Variants in GRIK2 observed in about 807,000 individuals in gnomAD.
The protein encoded by GRIK2 is glutamate ionotropic receptor kainate type subunit 2.
In GRIK2, 32 loss-of-function variants were observed where a neutral mutation model predicts 100.3. The ratio of observed to expected loss-of-function variants is 0.32; its 90% CI spans 0.24 to 0.43. The LOEUF is 0.43. Ranked by LOEUF, GRIK2 falls within the 20% of genes least tolerant of loss-of-function variation. The pLI is 1.00. For synonymous variants in GRIK2, 417 were observed against 389.4 expected, an observed-to-expected ratio of 1.07 and a Z score of -0.83; for missense variants, 843 against 1,114.9, an observed-to-expected ratio of 0.76 and a Z score of 3.47.
intron 9 of GRIK2, among the ~76,000 whole-genome samples, chr6:101,807,429 G>C (rs1158550144): frequency 6.6e-6 from 1 of 151,912 alleles, no homozygotes; most frequent in Admixed American, 6.6e-5. Context: ...ACAAGTTACA[G>C]TATGGAAATA....
Position 102,006,390 on chromosome 6 carries a change from A to ATATTTTT in GRIK2, c.2086-28950_2086-28949insATTTTTT, listed in dbSNP as rs1315524835. ...CTTTTATATATATATATATATATAT[A>ATATTTTT]TTTTTTTTTTTTTTGAGACATACAG... On this transcript the variant is annotated intron_variant, in intron 14 of 16. Transcript: ENST00000369134. Among the ~76,000 whole-genome samples, 36 of 114,096 alleles carry ATATTTTT rather than the reference A, an allele frequency of 3.2e-4. 1 individual carries two copies. Among genetic ancestry groups the ATATTTTT allele is most frequent in the Middle Eastern group, 5.0e-3 (1 of 200 alleles). The allele number at this position is 114,096 out of a possible 152,430, so 74.9% of individuals were successfully genotyped here.
intron 14 of GRIK2, among the ~76,000 whole-genome samples, chr6:101,987,752 T>C (rs1794099908): frequency 6.6e-6 from 1 of 151,410 alleles, no homozygotes; most frequent in East Asian, 1.9e-4. Context: ...TAATTATAGA[T>C]TTGTAACATT....
chr6:101,662,469 T>C (rs575877847), intron 4 of GRIK2, among the ~76,000 whole-genome samples: 4 of 152,242 alleles, frequency 2.6e-5, no homozygotes, highest in Admixed American at 6.5e-5. Flanking sequence ...TTTTAACTGA[T>C]TGCAACTATG....
At chr6:101,940,630 C>G (rs1039098610) in intron 14 of GRIK2, among the ~76,000 whole-genome samples, 6 of 152,098 alleles carry the variant, frequency 3.9e-5, no homozygotes, top group African/African-American at 1.4e-4. Flanking sequence ...TTTACTTTTA[C>G]TAGCCATTAG....
intron 2 of GRIK2, among the ~76,000 whole-genome samples, chr6:101,607,500 T>C (rs1045568270): frequency 6.6e-6 from 1 of 152,028 alleles, no homozygotes; most frequent in African/African-American, 2.4e-5. Context: ...TGTTATTCTT[T>C]AACTTACCAG....
At chr6:102,061,431 T>C (rs1190903983) in intron 16 of GRIK2, among the ~76,000 whole-genome samples, 1 of 150,482 alleles carries the variant, frequency 6.6e-6, no homozygotes, top group African/African-American at 2.4e-5. Context: ...GTTTCAACCA[T>C]ATCAAGCTGT....
chr6:101,431,038 C>A (rs931086201), intron 2 of GRIK2: 1 of 252,322 alleles, frequency 4.0e-6, no homozygotes, highest in Non-Finnish European at 8.5e-6. Context: ...TGTACAGGGA[C>A]AGCATGGCCC....
chr6:101,732,776 A>C (rs1314329405), intron 7 of GRIK2, among the ~76,000 whole-genome samples: 1 of 151,978 alleles, frequency 6.6e-6, no homozygotes, highest in East Asian at 1.9e-4. Flanking sequence ...TCCTTTACTG[A>C]AGTCCACCAG....
At chr6:101,825,947 C>T (rs1782296705) in intron 10 of GRIK2, among the ~76,000 whole-genome samples, 1 of 152,052 alleles carries the variant, frequency 6.6e-6, no homozygotes, top group African/African-American at 2.4e-5. Context: ...GGACATATAT[C>T]CACTTAGATA....
At chr6:101,444,278 C>G (rs1452300082) in intron 2 of GRIK2, among the ~76,000 whole-genome samples, 1 of 151,862 alleles carries the variant, frequency 6.6e-6, no homozygotes. Flanking sequence ...AGAATTTTTC[C>G]TATATGCTGA....
At chr6:101,762,254 A>G (rs1041421104) in intron 7 of GRIK2, among the ~76,000 whole-genome samples, 6 of 151,734 alleles carry the variant, frequency 4.0e-5, no homozygotes, top group African/African-American at 1.5e-4. Flanking sequence ...AACTCATTGC[A>G]GCCTCAAACT....
rs144621087 is a variant in GRIK2, at chr6:101,757,375, G to A, written c.952-42273G>A. On this transcript the variant is annotated intron_variant, in intron 7 of 16. Coordinates refer to ENST00000369134, the MANE Select transcript of GRIK2 (RefSeq NM_021956.5). ...CAATATAGTAAGGAAGAAAAATCAT[G>A]AATATGTTAAATTATTAAAATGTAA... Among the ~76,000 whole-genome samples the A allele has an allele frequency of 1.8e-3, 275 of 152,126 alleles. 1 individual carries two copies. The highest frequency in any genetic ancestry group is 6.4e-3 in the African/African-American group (265 of 41,498).
At chr6:102,025,447 G>A (rs1322847919) in intron 14 of GRIK2, among the ~76,000 whole-genome samples, 3 of 151,260 alleles carry the variant, frequency 2.0e-5, no homozygotes, top group East Asian at 2.0e-4. Context: ...ATGGTGAGTC[G>A]AGGGTTTTAA....
chr6:101,605,584 T>A (rs1779405321), intron 2 of GRIK2, among the ~76,000 whole-genome samples: 1 of 152,016 alleles, frequency 6.6e-6, no homozygotes, highest in East Asian at 1.9e-4. Flanking sequence ...ATTTTTAAAA[T>A]CTTTAACTAC....
At chr6:101,962,137 G>A (rs1399322761) in intron 14 of GRIK2, among the ~76,000 whole-genome samples, 1 of 151,992 alleles carries the variant, frequency 6.6e-6, no homozygotes, top group East Asian at 1.9e-4. Context: ...CTTATCCATG[G>A]GACTCCAAGA....
intron 7 of GRIK2, among the ~76,000 whole-genome samples, chr6:101,744,038 G>A (rs534766955): frequency 6.6e-6 from 1 of 151,958 alleles, no homozygotes. Flanking sequence ...CACCTCCCAG[G>A]TTCACACCAT....
chr6:101,747,940 A>G (rs1776526640), intron 7 of GRIK2, among the ~76,000 whole-genome samples: 1 of 152,306 alleles, frequency 6.6e-6, no homozygotes, highest in Admixed American at 6.5e-5. Flanking sequence ...CAACAGCCAG[A>G]GTCTCTGCAG....
intron 2 of GRIK2, among the ~76,000 whole-genome samples, chr6:101,492,050 G>C (rs1773152026): frequency 1.3e-5 from 2 of 151,808 alleles, no homozygotes; most frequent in Admixed American, 6.6e-5. Flanking sequence ...TAAGGCTAAG[G>C]TTAATCACTT....
chr6:101,608,827 G>A (rs72954219), intron 2 of GRIK2, among the ~76,000 whole-genome samples: 5,155 of 71,930 alleles, frequency 0.072, 189 homozygotes, highest in African/African-American at 0.23. Context: ...GTATGTATGT[G>A]TGTGTGTGTC....
Sources: allele counts gnomAD v4.1 joint callset (sites outside exome capture counted in the v4.1 genomes callset), GRCh38; gene constraint gnomAD v4.1.1; transcripts MANE v1.5; gene names NCBI Gene and HGNC (gene_info 2026-07-23, HGNC 2026-07-21).